APOL4: variants seen among roughly 807,000 people sequenced by gnomAD.
APOL4 encodes apolipoprotein L4, also known as apolipoprotein L, 4.
APOL4 carries 14 observed loss-of-function variants against 12.1 expected under a neutral mutation model. That is an observed-to-expected ratio of 1.16 (90% CI 0.76 to 1.81). The LOEUF is 1.81. Ranked by LOEUF, APOL4 falls within the 40% of genes most tolerant of loss-of-function variation. The pLI is 0.00. For missense variants in APOL4, 432 were observed against 423.1 expected (o/e 1.02, Z -0.18); for synonymous variants, 171 against 160.6 (o/e 1.06, Z -0.49).
rs2014219867 is a variant in APOL4, at chr22:36,190,750, C to T, written c.*325G>A. 3.6e-6 allele frequency: 1 copy of T among 275,796 alleles called. No homozygotes were observed. Among genetic ancestry groups the T allele is most frequent in the African/African-American group, 2.2e-5 (1 of 45,906 alleles). The allele number at this position is 275,796 out of a possible 1,614,324, so 17.1% of individuals were successfully genotyped here. A position where few individuals can be genotyped will look rare whatever the true frequency, so the allele number is the denominator to read the frequency against. On this transcript the variant is annotated 3_prime_UTR_variant, in exon 4 of 4. Coordinates refer to ENST00000683024, the MANE Select transcript of APOL4 (RefSeq NM_001386885.1). ...GCCCAGATTTCATATTGTTCAAACA[C>T]ACATGCTCTACAATTTGTGCAGTTA...
At chr22:36,192,774 CT>C (rs2014298910) in intron 3 of APOL4, among the ~76,000 whole-genome samples, 1 of 152,112 alleles carries the variant, frequency 6.6e-6, no homozygotes, top group African/African-American at 2.4e-5. Flanking sequence ...GCGTTTAGGG[CT>C]ATTAGGTGTC....
At chr22:36,197,986 C>T (rs776838250) in intron 2 of APOL4, among the ~76,000 whole-genome samples, 63 of 152,110 alleles carry the variant, frequency 4.1e-4, no homozygotes, top group Non-Finnish European at 7.2e-4. Context: ...AACTGCGTGG[C>T]CCCCCAGTTC....
At chr22:36,193,063 A>G (rs2146937147) in intron 3 of APOL4, among the ~76,000 whole-genome samples, 1 of 152,262 alleles carries the variant, frequency 6.6e-6, no homozygotes, top group Admixed American at 6.5e-5. Context: ...CAATTTAGAG[A>G]GGATCCCCCC....
At position 36,193,244 on chromosome 22, in the gene APOL4, G is replaced by A. The variant is rs559690237; in HGVS notation, c.210-1332C>T. Among the ~76,000 whole-genome samples the A allele has an allele frequency of 2.9e-3, 439 of 152,318 alleles. 3 individuals are homozygous for A. Among genetic ancestry groups the A allele is most frequent in the African/African-American group, 9.8e-3 (408 of 41,570 alleles). On this transcript the variant is annotated intron_variant, in intron 3 of 3. Coordinates refer to ENST00000683024, the MANE Select transcript of APOL4 (RefSeq NM_001386885.1). ...TCCATCTGCCGCCCCTTACCCTGGT[G>A]TTGGCTGTGACTCCCCCTCTGACTT...
upstream of APOL4, among the ~76,000 whole-genome samples, chr22:36,203,006 G>T (rs1221131093): frequency 1.3e-5 from 2 of 152,132 alleles, no homozygotes; most frequent in Admixed American, 1.3e-4. Flanking sequence ...CAAACACAGA[G>T]ATCTAAGCTC....
Position 36,191,536 on chromosome 22 carries a change from A to G in APOL4, c.586T>C (p.Ser196Pro). Reference protein sequence around the residue: ...SSIVENTYTRSAELTASRLTA... With the variant: ...SSIVENTYTRPAELTASRLTA... ...AGCCTGCTGGCTGTGAGTTCTGCTG[A>G]CCTTGTGTATGTGTTCTCCACGATG... The change falls in exon 4 of 4, where the codon TCA becomes CCA. Residue 196 changes from serine to proline, a missense_variant. Transcript: ENST00000683024. 6.2e-7 allele frequency: 1 copy of G among 1,613,930 alleles called. No homozygotes were observed. Among genetic ancestry groups the G allele is most frequent in the Non-Finnish European group, 8.5e-7 (1 of 1,179,870 alleles).
intron 3 of APOL4, among the ~76,000 whole-genome samples, chr22:36,193,945 C>A (rs1416033662): frequency 6.6e-6 from 1 of 152,192 alleles, no homozygotes; most frequent in African/African-American, 2.4e-5. Context: ...AATGCCTTAG[C>A]AGGTGACAGC....
At chr22:36,202,389 C>T (rs187637760), upstream of APOL4, among the ~76,000 whole-genome samples, 129 of 152,344 alleles carry the variant, frequency 8.5e-4, 2 homozygotes, top group East Asian at 0.022. Flanking sequence ...GGATTACAGG[C>T]TTCAGCTATA....
chr22:36,202,707 C>G (rs2014619852), upstream of APOL4, among the ~76,000 whole-genome samples: 1 of 147,748 alleles, frequency 6.8e-6, no homozygotes, highest in African/African-American at 2.5e-5. Flanking sequence ...GCCTGGGCAA[C>G]AGAGCGAGAC....
At position 36,201,757 on chromosome 22, in the gene APOL4, G is replaced by A; in HGVS notation, c.-23C>T. ...CATCCTCCTTGGTCATTGTTGGCCT[G>A]GCTCAGACGCTGATCTGGGGCCTCT... On this transcript the variant is annotated 5_prime_UTR_variant, in exon 1 of 4. Coordinates refer to ENST00000683024, the MANE Select transcript of APOL4 (RefSeq NM_001386885.1). The A allele has an allele frequency of 6.2e-7, 1 of 1,602,900 alleles. No individual in the cohort carries two copies. Among genetic ancestry groups the A allele is most frequent in the Non-Finnish European group, 8.5e-7 (1 of 1,174,748 alleles).
chr22:36,195,762 TCTCTCTCTC>T (rs1569531218), intron 2 of APOL4, among the ~76,000 whole-genome samples: 1 of 114,382 alleles, frequency 8.7e-6, no homozygotes, highest in African/African-American at 2.8e-5. Context: ...TCTCTCTCTC[TCTCTCTCTC>T]TCTCTCACAC....
At chr22:36,201,510 G>T (rs132725) in intron 1 of APOL4, 190 bp downstream of exon 1, 37 of 1,012,898 alleles carry the variant, frequency 3.7e-5, no homozygotes, top group Non-Finnish European at 4.7e-5. Context: ...GCAGAGGGGC[G>T]TCTGGGCGCT....
At chr22:36,199,582 C>A in intron 1 of APOL4, 1 of 1,560,626 alleles carries the variant, frequency 6.4e-7, no homozygotes, top group Non-Finnish European at 8.7e-7. Context: ...TTCCCTCACT[C>A]TCACACCAAG....
intron 2 of APOL4, among the ~76,000 whole-genome samples, chr22:36,195,774 TCTCACACACACACACACACACACACA>T (rs997437588): frequency 1.5e-5 from 1 of 65,930 alleles, no homozygotes; most frequent in African/African-American, 4.0e-5. Flanking sequence ...TCTCTCTCTC[TCTCACACACACACACACACACACACA>T]CACACACACA....
Position 36,191,825 on chromosome 22 carries a change from C to T in APOL4, c.297G>A (p.Gln99=). The change falls in exon 4 of 4, where the codon CAG becomes CAA. Residue 99 remains glutamine, a synonymous_variant. Coordinates refer to ENST00000683024, the MANE Select transcript of APOL4 (RefSeq NM_001386885.1). ...IEDKDMQQKE[Q]QFREWFLKEF... The stretch of plus-strand genomic sequence containing the variant: ...CTTTCAAAAACCACTCCCTAAACTG[C>T]TGTTCTTTTTGCTGCATGTCTTTGT... 6.2e-7 allele frequency: 1 copy of T among 1,613,940 alleles called. No individual in the cohort carries two copies. The highest frequency in any genetic ancestry group is 8.5e-7 in the Non-Finnish European group (1 of 1,179,958).
At chr22:36,201,943 C>T (rs371491184), upstream of APOL4, 572 of 1,613,614 alleles carry the variant, frequency 3.5e-4, no homozygotes, top group Non-Finnish European at 4.6e-4. Flanking sequence ...AATTGTGCAG[C>T]CCAGACAGGG....
At chr22:36,194,480 C>T (rs996665024) in intron 3 of APOL4, among the ~76,000 whole-genome samples, 1 of 152,222 alleles carries the variant, frequency 6.6e-6, no homozygotes, top group Non-Finnish European at 1.5e-5. Context: ...CCTGCCCCAT[C>T]CTGACCCCTG....
chr22:36,198,181 T>C (rs1030314844), intron 2 of APOL4, among the ~76,000 whole-genome samples: 1 of 152,198 alleles, frequency 6.6e-6, no homozygotes, highest in Non-Finnish European at 1.5e-5. Flanking sequence ...TGGCTTTGCC[T>C]CAAATTCTTT....
chr22:36,200,506 G>C (rs7291137), intron 1 of APOL4, among the ~76,000 whole-genome samples: 1 of 152,138 alleles, frequency 6.6e-6, no homozygotes, highest in African/African-American at 2.4e-5. Context: ...TGTGGCTGCC[G>C]AGCCCTCCTG....
Sources: allele counts gnomAD v4.1 joint callset (sites outside exome capture counted in the v4.1 genomes callset), GRCh38; gene constraint gnomAD v4.1.1; transcripts MANE v1.5; gene names NCBI Gene and HGNC (gene_info 2026-07-23, HGNC 2026-07-21).